TRPM3: variants seen among roughly 807,000 people sequenced by gnomAD.
TRPM3 encodes long transient receptor potential channel 3.
In TRPM3, 77 loss-of-function variants were observed where a neutral mutation model predicts 181.2. The observed-to-expected ratio is 0.42, with a 90% CI of 0.35 to 0.51. The LOEUF (loss-of-function observed/expected upper bound fraction) is 0.51, where lower values mean the gene tolerates loss of function less well. TRPM3 is among the 20% of genes least tolerant of loss of function. The pLI, the probability that TRPM3 is intolerant of heterozygous loss-of-function variation, is 0.01. For synonymous variants in TRPM3, 745 were observed against 796.4 expected, an observed-to-expected ratio of 0.94 and a Z score of 1.09; for missense variants, 1,759 against 2,196.7, an observed-to-expected ratio of 0.80 and a Z score of 3.98.
intron 25 of TRPM3, 73 bp from the exon 26 acceptor site, chr9:70,537,478 G>A (rs1416929797): frequency 7.4e-7 from 1 of 1,347,128 alleles, no homozygotes; most frequent in Non-Finnish European, 9.6e-7. Context: ...CAAGGATAAA[G>A]GGATCACAGC....
At chr9:71,275,252 C>G (rs548311715) in intron 1 of TRPM3, among the ~76,000 whole-genome samples, 1 of 152,252 alleles carries the variant, frequency 6.6e-6, no homozygotes, top group African/African-American at 2.4e-5. Context: ...TATTCTCCAG[C>G]AACAAAGCTT....
intron 1 of TRPM3, among the ~76,000 whole-genome samples, chr9:71,173,578 C>G (rs1181130777): frequency 6.6e-6 from 1 of 152,174 alleles, no homozygotes. Context: ...TTGGTAGAAC[C>G]AAGATCTATG....
intron 1 of TRPM3, among the ~76,000 whole-genome samples, chr9:71,305,871 T>A (rs1295248573): frequency 6.6e-6 from 1 of 152,158 alleles, no homozygotes; most frequent in Admixed American, 6.5e-5. Flanking sequence ...GGATCAGAAT[T>A]CCTTCTTTTA....
intron 6 of TRPM3, chr9:70,793,776 A>C (rs1344953767): frequency 2.5e-6 from 1 of 398,014 alleles, no homozygotes; most frequent in Non-Finnish European, 5.3e-6. Context: ...GTGATGCAAA[A>C]GTGATACATA....
chr9:71,145,815 A>G (rs1401336505), intron 1 of TRPM3, among the ~76,000 whole-genome samples: 2 of 152,204 alleles, frequency 1.3e-5, no homozygotes, highest in Non-Finnish European at 2.9e-5. Flanking sequence ...ACTAATTAGA[A>G]TAAAAGATTA....
At chr9:71,311,852 T>G (rs955422402) in intron 1 of TRPM3, among the ~76,000 whole-genome samples, 3 of 152,016 alleles carry the variant, frequency 2.0e-5, no homozygotes, top group African/African-American at 7.2e-5. Context: ...AAGAAAATCT[T>G]ATCATGTTTT....
chr9:70,754,933 T>G (rs1463069695), intron 8 of TRPM3, among the ~76,000 whole-genome samples: 1 of 152,118 alleles, frequency 6.6e-6, no homozygotes, highest in Non-Finnish European at 1.5e-5. Flanking sequence ...TCTCTTAGCC[T>G]CAGTTCCTTT....
intron 1 of TRPM3, among the ~76,000 whole-genome samples, chr9:71,152,000 G>T (rs1465861113): frequency 6.6e-6 from 1 of 152,072 alleles, no homozygotes; most frequent in Non-Finnish European, 1.5e-5. Flanking sequence ...TTTCAGAAAA[G>T]GTGTAAGAAC....
chr9:71,051,387 G>T lies in TRPM3; in HGVS notation c.177+69791C>A, dbSNP rs75826476. Among the ~76,000 whole-genome samples the T allele has an allele frequency of 4.9e-3, 745 of 152,148 alleles. 17 individuals carry two copies. In the East Asian group the frequency reaches 0.077, roughly 16 times the overall value. ...CATTTCAACATTACTGTGAGTTCAAGATTACCATTCTCCTTCATTTCAAAG... is the reference window on the plus strand; with the variant it reads ...CATTTCAACATTACTGTGAGTTCAATATTACCATTCTCCTTCATTTCAAAG... On this transcript the variant is annotated intron_variant, in intron 1 of 25. Transcript: ENST00000677713.
intron 1 of TRPM3, among the ~76,000 whole-genome samples, chr9:71,067,152 AG>A (rs1359499966): frequency 2.1e-4 from 32 of 152,252 alleles, no homozygotes; most frequent in African/African-American, 7.0e-4. Context: ...ACAGAAGTCA[AG>A]ATGGCTTCAG....
intron 1 of TRPM3, among the ~76,000 whole-genome samples, chr9:71,407,183 T>C (rs1305119494): frequency 1.3e-5 from 2 of 152,192 alleles, no homozygotes; most frequent in Non-Finnish European, 2.9e-5. Flanking sequence ...AGGTAATTTC[T>C]ACATTTCCAA....
intron 1 of TRPM3, among the ~76,000 whole-genome samples, chr9:71,400,067 G>T (rs2093306680): frequency 6.6e-6 from 1 of 152,124 alleles, no homozygotes; most frequent in South Asian, 2.1e-4. Flanking sequence ...TTCAGAAATT[G>T]AAACACTAAG....
At chr9:70,863,975 T>C (rs2095582770) in intron 2 of TRPM3, among the ~76,000 whole-genome samples, 1 of 152,084 alleles carries the variant, frequency 6.6e-6, no homozygotes, top group African/African-American at 2.4e-5. Flanking sequence ...TTATATATTG[T>C]TGATCCTAAG....
chr9:70,974,197 T>C (rs1205579504), intron 1 of TRPM3, among the ~76,000 whole-genome samples: 1 of 152,080 alleles, frequency 6.6e-6, no homozygotes, highest in Non-Finnish European at 1.5e-5. Context: ...AGTTTCCAGA[T>C]ATAAATGAGA....
intron 1 of TRPM3, among the ~76,000 whole-genome samples, chr9:71,220,418 G>A (rs2080168793): frequency 6.6e-6 from 1 of 150,892 alleles, no homozygotes; most frequent in African/African-American, 2.4e-5. Flanking sequence ...ACCTAAATAG[G>A]TGAGTTAGGG....
In TRPM3 at chr9:70,663,369, C is replaced by CA. The variant is rs1192996575; in HGVS notation, c.1345+18136dup. 3.4e-4 allele frequency among the ~76,000 whole-genome samples: 51 copies of CA among 152,186 alleles called. 1 individual carries two copies. Among genetic ancestry groups the CA allele is most frequent in the African/African-American group, 1.1e-3 (46 of 41,542 alleles). ...TTATCCATGTTCAACCCAAACCACCCATACTCCAAAAACTATTGAAATAAA... is the reference window on the plus strand; with the variant it reads ...TTATCCATGTTCAACCCAAACCACCCAATACTCCAAAAACTATTGAAATAAA... On this transcript the variant is annotated intron_variant, in intron 9 of 25. Transcript: ENST00000677713.
chr9:70,621,384 A>G (rs2063613287), intron 14 of TRPM3, 111 bp from the exon 15 acceptor site: 2 of 706,756 alleles, frequency 2.8e-6, no homozygotes, highest in Non-Finnish European at 4.3e-6. Flanking sequence ...GTTTTTATTG[A>G]GACAAGGTCT....
chr9:71,230,573 C>T (rs940035586), intron 1 of TRPM3, among the ~76,000 whole-genome samples: 19 of 151,952 alleles, frequency 1.3e-4, no homozygotes, highest in African/African-American at 3.6e-4. Context: ...ATCCCTATAC[C>T]CCATTAATAT....
At chr9:70,810,081 A>T (rs1313513739) in intron 6 of TRPM3, 4 of 534,592 alleles carry the variant, frequency 7.5e-6, no homozygotes, top group Non-Finnish European at 1.5e-5. Flanking sequence ...GAAAGACTGT[A>T]GCCATGGGTA....
Sources: allele counts gnomAD v4.1 joint callset (sites outside exome capture counted in the v4.1 genomes callset), GRCh38; gene constraint gnomAD v4.1.1; transcripts MANE v1.5; gene names NCBI Gene and HGNC (gene_info 2026-07-23, HGNC 2026-07-21).